The following CNRIP1 variants were observed in gnomAD, a reference collection of about 807,000 sequenced individuals.
CNRIP1 encodes the protein CB1 cannabinoid receptor-interacting protein 1.
In CNRIP1, 10 loss-of-function variants were observed where a neutral mutation model predicts 15.2. That is an observed-to-expected ratio of 0.66 (90% CI 0.41 to 1.12). CNRIP1 has a LOEUF of 1.12. Among genes scored for constraint, CNRIP1 ranks in the 50% most tolerant of loss-of-function variants. The pLI, the probability that CNRIP1 is intolerant of heterozygous loss-of-function variation, is 0.00. For synonymous variants in CNRIP1, 91 were observed against 83.2 expected, an observed-to-expected ratio of 1.09 and a Z score of -0.51; for missense variants, 211 against 214.7, an observed-to-expected ratio of 0.98 and a Z score of 0.11.
intron 2 of CNRIP1, among the ~76,000 whole-genome samples, chr2:68,301,331 T>G (rs933699290): frequency 2.6e-5 from 4 of 152,222 alleles, no homozygotes; most frequent in Admixed American, 6.5e-5. Context: ...CACCTGACAG[T>G]GCATCATTGA....
intron 2 of CNRIP1, among the ~76,000 whole-genome samples, chr2:68,311,723 C>T (rs896477611): frequency 7.0e-6 from 1 of 142,754 alleles, no homozygotes; most frequent in Non-Finnish European, 1.5e-5. Flanking sequence ...TTCAGTAAAC[C>T]GAGATTGCAC....
chr2:68,303,543 C>A (rs1465629765), intron 2 of CNRIP1, among the ~76,000 whole-genome samples: 4 of 152,166 alleles, frequency 2.6e-5, no homozygotes, highest in African/African-American at 9.7e-5. Flanking sequence ...ATTCACACTT[C>A]TTTTGCTTTA....
chr2:68,311,779 GAAA>G (rs59421926), intron 2 of CNRIP1, among the ~76,000 whole-genome samples: 34 of 90,274 alleles, frequency 3.8e-4, no homozygotes, highest in Non-Finnish European at 5.3e-4. Flanking sequence ...CATCTCCGGG[GAAA>G]AAAAAAAAAA....
rs965207764 is a variant in CNRIP1, at chr2:68,293,152, C to T, written c.*710G>A. ...TATGGAAGCTTGTCAAAGGGGTAAC[C>T]CTACAACTCCTGTCACTTTAACAAT... On this transcript the variant is annotated 3_prime_UTR_variant, in exon 3 of 3. Coordinates refer to ENST00000263655, the MANE Select transcript of CNRIP1 (RefSeq NM_015463.3). 4 of 985,322 alleles carry T rather than the reference C, an allele frequency of 4.1e-6. No homozygotes were observed. The East Asian group carries it at 3.4e-4, about 84-fold the overall frequency. 61.0% of individuals were successfully genotyped at this position (985,322 alleles called of 1,614,324 possible).
chr2:68,310,998 T>G (rs1379287850), intron 2 of CNRIP1, among the ~76,000 whole-genome samples: 1 of 152,002 alleles, frequency 6.6e-6, no homozygotes, highest in Non-Finnish European at 1.5e-5. Context: ...AATCTGAAGA[T>G]CCATTAAAAA....
chr2:68,319,389 C>T lies in CNRIP1; in HGVS notation c.12G>A (p.Leu4=). 6.3e-7 allele frequency: 1 copy of T among 1,576,594 alleles called. No homozygotes were observed. Among genetic ancestry groups the T allele is most frequent in the Non-Finnish European group, 8.6e-7 (1 of 1,163,678 alleles). Residue 4 remains leucine (L), a synonymous_variant, in exon 1 of 3, where the codon CTG becomes CTA. Coordinates refer to ENST00000263655, the MANE Select transcript of CNRIP1 (RefSeq NM_015463.3). ...CGATGGAGAGGCGCACGAGGCCCGGCAGGTCCCCCATGTCTGGGCGAGGGT... is the reference window on the plus strand; with the variant it reads ...CGATGGAGAGGCGCACGAGGCCCGGTAGGTCCCCCATGTCTGGGCGAGGGT... MGD[L]PGLVRLSIAL...
chr2:68,309,994 G>C (rs1291818046), intron 2 of CNRIP1, among the ~76,000 whole-genome samples: 3 of 152,200 alleles, frequency 2.0e-5, no homozygotes, highest in Admixed American at 6.5e-5. Flanking sequence ...CATGTATTTT[G>C]AGTACATTCC....
Position 68,285,329 on chromosome 2 carries a change from C to T in CNRIP1, c.331-845G>A, listed in dbSNP as rs79706743. On this transcript the variant is annotated intron_variant, in intron 2 of 2. Transcript: ENST00000409559. ...GATAGACAAGCTCCAAAAAGATTCA[C>T]AGGTTCTACACAATGCAGAACTGCC... Among the ~76,000 whole-genome samples the T allele has an allele frequency of 5.9e-3, 894 of 151,158 alleles. 6 individuals carry two copies. The highest frequency in any genetic ancestry group is 0.02 in the African/African-American group (836 of 41,258).
chr2:68,296,730 C>A (rs868379724), intron 2 of CNRIP1, among the ~76,000 whole-genome samples: 1 of 152,142 alleles, frequency 6.6e-6, no homozygotes, highest in Admixed American at 6.5e-5. Flanking sequence ...CTCTGCTGCC[C>A]GGGTTCAAGC....
intron 1 of CNRIP1, 101 bp from the exon 2 acceptor site, chr2:68,317,408 T>C (rs541424417): frequency 7.2e-6 from 9 of 1,253,190 alleles, no homozygotes; most frequent in African/African-American, 5.9e-5. Context: ...AGGGTTTCAC[T>C]AAGGGGGGCA....
Position 68,293,197 on chromosome 2 carries a change from C to A in CNRIP1, c.*665G>T. 1 of 985,450 alleles carries A rather than the reference C, an allele frequency of 1.0e-6. No individual in the cohort carries two copies. The highest frequency in any genetic ancestry group is 1.2e-6 in the Non-Finnish European group (1 of 829,946). 61.0% of individuals were successfully genotyped at this position (985,450 alleles called of 1,614,324 possible). On this transcript the variant is annotated 3_prime_UTR_variant, in exon 3 of 3. Coordinates refer to ENST00000263655, the MANE Select transcript of CNRIP1 (RefSeq NM_015463.3). ...AACAATGGTCCACAGCAATGCTTTT[C>A]CCCCATTTCTACTAGGCTAGGCCAT...
chr2:68,294,330 G>A (rs1371918216), intron 2 of CNRIP1, among the ~76,000 whole-genome samples: 1 of 152,164 alleles, frequency 6.6e-6, no homozygotes, highest in Non-Finnish European at 1.5e-5. Context: ...TGTTTTTCAA[G>A]TTTAATTTTT....
intron 1 of CNRIP1, among the ~76,000 whole-genome samples, chr2:68,318,474 T>TA (rs1672361676): frequency 6.6e-6 from 1 of 152,134 alleles, no homozygotes; most frequent in Non-Finnish European, 1.5e-5. Flanking sequence ...CTGGGTGCAT[T>TA]ATCCAGCGGT....
intron 2 of CNRIP1, among the ~76,000 whole-genome samples, chr2:68,310,881 CAAATG>C (rs1672047944): frequency 6.6e-6 from 1 of 151,770 alleles, no homozygotes; most frequent in South Asian, 2.1e-4. Flanking sequence ...ATAAAAAAGA[CAAATG>C]AAAATTCTAG....
intron 1 of CNRIP1, among the ~76,000 whole-genome samples, chr2:68,318,651 GCT>G (rs1672369524): frequency 6.6e-6 from 1 of 152,218 alleles, no homozygotes; most frequent in Non-Finnish European, 1.5e-5. Context: ...AGGGGCGGCC[GCT>G]CTCTTACTAG....
chr2:68,313,074 G>A (rs1225224763), intron 2 of CNRIP1, among the ~76,000 whole-genome samples: 1 of 152,078 alleles, frequency 6.6e-6, no homozygotes, highest in African/African-American at 2.4e-5. Context: ...CCTAGATTAA[G>A]CAAAAGAACT....
intron 1 of CNRIP1, among the ~76,000 whole-genome samples, chr2:68,318,541 G>A (rs6546373): frequency 0.77 from 117,030 of 152,052 alleles, 45,835 homozygotes; most frequent in African/African-American, 0.92. Context: ...TCTTGCTGTG[G>A]GGATGTTGCT....
At chr2:68,292,465 G>C (rs10169940), downstream of CNRIP1, among the ~76,000 whole-genome samples, 3,941 of 152,162 alleles carry the variant, frequency 0.026, 177 homozygotes, top group African/African-American at 0.088. Flanking sequence ...TTATAAGAAG[G>C]GTTTACAGGT....
chr2:68,301,679 C>A (rs908315786), intron 2 of CNRIP1, among the ~76,000 whole-genome samples: 1 of 152,068 alleles, frequency 6.6e-6, no homozygotes, highest in African/African-American at 2.4e-5. Flanking sequence ...ATCAAGAGGT[C>A]AGGAGATCGA....
Sources: allele counts gnomAD v4.1 joint callset (sites outside exome capture counted in the v4.1 genomes callset), GRCh38; gene constraint gnomAD v4.1.1; transcripts MANE v1.5; gene names NCBI Gene and HGNC (gene_info 2026-07-23, HGNC 2026-07-21).